RUNDC3B: variants seen among roughly 807,000 people sequenced by gnomAD.
RUNDC3B encodes the protein RUN domain containing 3B, also known as RUN domain-containing protein 3B.
In RUNDC3B, 33 loss-of-function variants were observed where a neutral mutation model predicts 58.4. That is an observed-to-expected ratio of 0.56 (90% CI 0.43 to 0.75). RUNDC3B has a LOEUF of 0.75. Among genes scored for constraint, RUNDC3B ranks in the 30% least tolerant of loss-of-function variants. The probability of loss-of-function intolerance (pLI) is 0.00; values close to 1 mark genes in which losing one functional copy is unlikely to be tolerated. For missense variants in RUNDC3B, 501 were observed against 535.7 expected (o/e 0.94, Z 0.64); for synonymous variants, 193 against 195.2 (o/e 0.99, Z 0.10).
rs1424633987 is a variant in RUNDC3B, at chr7:87,686,343, A to G, written c.239-14078A>G. ...TGTGTACTAATGTCATCAAGTCATA[A>G]TAGAAGTATATTAACGAGCATGGTG... On this transcript the variant is annotated intron_variant, in intron 2 of 10. Coordinates refer to ENST00000394654, the MANE Select transcript of RUNDC3B (RefSeq NM_001134405.2). 2.2e-4 allele frequency among the ~76,000 whole-genome samples: 34 copies of G among 152,228 alleles called. 1 individual carries two copies. Among genetic ancestry groups the G allele is most frequent in the Admixed American group, 2.2e-3 (33 of 15,288 alleles).
intron 2 of RUNDC3B, among the ~76,000 whole-genome samples, chr7:87,664,919 T>C (rs1022234353): frequency 9.9e-5 from 15 of 152,082 alleles, no homozygotes; most frequent in African/African-American, 3.4e-4. Context: ...TTAATAAAAA[T>C]TCTCAACAAT....
chr7:87,629,695 A>T (rs1391657221), intron 1 of RUNDC3B, among the ~76,000 whole-genome samples: 4 of 152,168 alleles, frequency 2.6e-5, no homozygotes, highest in Admixed American at 1.3e-4. Context: ...TGGGAGGCTG[A>T]GGCGGGCGGA....
intron 1 of RUNDC3B, among the ~76,000 whole-genome samples, chr7:87,649,772 T>C (rs1823389230): frequency 1.3e-5 from 2 of 152,188 alleles, no homozygotes; most frequent in African/African-American, 2.4e-5. Context: ...TGGGAGGGAC[T>C]CAGTGGTAGG....
chr7:87,775,541 A>G (rs1416394374), intron 7 of RUNDC3B, among the ~76,000 whole-genome samples: 1 of 152,214 alleles, frequency 6.6e-6, no homozygotes, highest in East Asian at 1.9e-4. Flanking sequence ...TACAGTGTTT[A>G]TAAAGTCTAC....
At chr7:87,633,262 C>T (rs1004715661) in intron 1 of RUNDC3B, among the ~76,000 whole-genome samples, 3 of 152,186 alleles carry the variant, frequency 2.0e-5, no homozygotes, top group Non-Finnish European at 2.9e-5. Flanking sequence ...TTTAAGCGCA[C>T]AAGTTTAATC....
chr7:87,773,968 G>A (rs1053564985), intron 7 of RUNDC3B, among the ~76,000 whole-genome samples: 2 of 151,864 alleles, frequency 1.3e-5, no homozygotes, highest in Non-Finnish European at 2.9e-5. Context: ...ATGAGCCACC[G>A]CACCCGGCCA....
At chr7:87,701,109 A>G (rs1450322801) in intron 3 of RUNDC3B, among the ~76,000 whole-genome samples, 1 of 152,250 alleles carries the variant, frequency 6.6e-6, no homozygotes, top group Non-Finnish European at 1.5e-5. Flanking sequence ...TTTCTGCAGC[A>G]TACTGAAATA....
intron 6 of RUNDC3B, among the ~76,000 whole-genome samples, chr7:87,743,023 A>G (rs1584071976): frequency 1.3e-5 from 2 of 151,954 alleles, no homozygotes; most frequent in African/African-American, 4.8e-5. Context: ...CTGAGGCAGG[A>G]GAATGGTGTG....
At chr7:87,752,270 T>C (rs569971678) in intron 6 of RUNDC3B, among the ~76,000 whole-genome samples, 1 of 152,116 alleles carries the variant, frequency 6.6e-6, no homozygotes, top group African/African-American at 2.4e-5. Flanking sequence ...TGCTGGATTC[T>C]GTTTGCCAGT....
In RUNDC3B at chr7:87,787,399, A is replaced by G. The variant is rs565649972; in HGVS notation, c.956+9444A>G. Among the ~76,000 whole-genome samples the G allele has an allele frequency of 5.3e-5, 8 of 152,324 alleles. No individual in the cohort carries two copies. In the South Asian group the frequency reaches 6.2e-4, roughly 12 times the overall value. On this transcript the variant is annotated intron_variant, in intron 8 of 10. Coordinates refer to ENST00000394654, the MANE Select transcript of RUNDC3B (RefSeq NM_001134405.2). ...CCAGAGAAGGAATACTGATAGGTAG[A>G]ATATGAGGCATGTAATATTTGCTTC...
chr7:87,738,928 T>C (rs2130808386), intron 4 of RUNDC3B, among the ~76,000 whole-genome samples: 1 of 152,084 alleles, frequency 6.6e-6, no homozygotes, highest in Admixed American at 6.6e-5. Flanking sequence ...ATGTTTCATT[T>C]TAGTTAATGG....
chr7:87,680,913 CAAA>C (rs1203843564), intron 2 of RUNDC3B, among the ~76,000 whole-genome samples: 2 of 150,190 alleles, frequency 1.3e-5, no homozygotes, highest in Admixed American at 6.7e-5. Flanking sequence ...AAATTAAAAA[CAAA>C]AACAATAATT....
chr7:87,748,604 A>G (rs184846993), intron 6 of RUNDC3B, among the ~76,000 whole-genome samples: 277 of 152,092 alleles, frequency 1.8e-3, no homozygotes, highest in African/African-American at 6.5e-3. Flanking sequence ...TGTCACACAT[A>G]CACACACACA....
intron 8 of RUNDC3B, among the ~76,000 whole-genome samples, chr7:87,802,425 T>C (rs1216954990): frequency 1.3e-5 from 2 of 151,940 alleles, no homozygotes; most frequent in African/African-American, 2.4e-5. Context: ...AAAATAATCA[T>C]ATGAGTCTTA....
intron 2 of RUNDC3B, among the ~76,000 whole-genome samples, chr7:87,659,726 T>C (rs1824501055): frequency 6.6e-6 from 1 of 152,186 alleles, no homozygotes; most frequent in African/African-American, 2.4e-5. Context: ...TACTGCTGTG[T>C]CATTCTCTGG....
chr7:87,797,586 G>A (rs952648429), intron 8 of RUNDC3B, among the ~76,000 whole-genome samples: 23 of 152,078 alleles, frequency 1.5e-4, no homozygotes, highest in Admixed American at 1.2e-3. Context: ...TGATTAATTA[G>A]GGTTTGTAAT....
rs998404035 is a variant in RUNDC3B, at chr7:87,712,180, T to G, written c.458+1525T>G. ...AGTTTGACCAGGATAGAAAGACTTT[T>G]GGCTGAAAGAAATATTTGCATAAAG... On this transcript the variant is annotated intron_variant, in intron 4 of 10. Coordinates refer to ENST00000394654, the MANE Select transcript of RUNDC3B (RefSeq NM_001134405.2). 2.0e-5 allele frequency among the ~76,000 whole-genome samples: 3 copies of G among 152,098 alleles called. No homozygotes were observed. The East Asian group carries it at 5.8e-4, about 29-fold the overall frequency.
intron 3 of RUNDC3B, among the ~76,000 whole-genome samples, chr7:87,703,635 TTTC>T (rs1291001788): frequency 2.6e-5 from 4 of 152,080 alleles, no homozygotes; most frequent in African/African-American, 9.7e-5. Flanking sequence ...AGCCAGTAAA[TTTC>T]TTCATTTGTA....
At chr7:87,709,744 T>G (rs1465588778) in intron 3 of RUNDC3B, among the ~76,000 whole-genome samples, 1 of 152,204 alleles carries the variant, frequency 6.6e-6, no homozygotes. Flanking sequence ...ATACTGCCAT[T>G]GCAGTGTTTC....
Sources: gnomAD v4.1 joint callset for allele counts (sites outside exome capture counted in the v4.1 genomes callset) on GRCh38, gnomAD v4.1.1 for gene constraint, MANE v1.5 for transcripts, NCBI Gene and HGNC (gene_info 2026-07-23, HGNC 2026-07-21) for gene names.